CD109: variants seen among roughly 807,000 people sequenced by gnomAD.
CD109 encodes the protein CD109 molecule, also known as CD109 antigen.
A neutral mutation model predicts 165.8 loss-of-function variants in CD109; 149 were observed. The observed-to-expected ratio is 0.90, with a 90% CI of 0.79 to 1.03. The LOEUF (loss-of-function observed/expected upper bound fraction) is 1.03, where lower values mean the gene tolerates loss of function less well. Among genes scored for constraint, CD109 ranks in the 50% least tolerant of loss-of-function variants. The probability of loss-of-function intolerance (pLI) is 0.00; values close to 1 mark genes in which losing one functional copy is unlikely to be tolerated. For synonymous variants in CD109, 585 were observed against 592.1 expected, an observed-to-expected ratio of 0.99 and a Z score of 0.18; for missense variants, 1,712 against 1,677.8, an observed-to-expected ratio of 1.02 and a Z score of -0.36.
chr6:73,720,659 AAG>A (rs1355949353), intron 2 of CD109, among the ~76,000 whole-genome samples: 2 of 152,228 alleles, frequency 1.3e-5, no homozygotes, highest in Admixed American at 6.5e-5. Context: ...CAATTAAAAA[AAG>A]AATAAAACAT....
At position 73,696,269 on chromosome 6, in the gene CD109, C is replaced by G; in HGVS notation, c.54C>G (p.Ala18=). ...TAAHLLCVCT[A]ALAVAPGPRF... is the part of the protein sequence containing the mutation. Reference sequence around the variant, plus strand: ...CCCACCTCCTCTGCGTGTGCACCGCCGCGCTGGCCGTGGCTCCCGGGTAGG... The same window carrying G: ...CCCACCTCCTCTGCGTGTGCACCGCGGCGCTGGCCGTGGCTCCCGGGTAGG... Residue 18 remains alanine, a synonymous_variant, in exon 1 of 33, where the codon GCC becomes GCG. Coordinates refer to ENST00000287097, the MANE Select transcript of CD109 (RefSeq NM_133493.5). 2 of 1,530,088 alleles carry G rather than the reference C, an allele frequency of 1.3e-6. No individual in the cohort carries two copies. Among genetic ancestry groups the G allele is most frequent in the South Asian group, 1.2e-5 (1 of 83,520 alleles). 94.8% of individuals were successfully genotyped at this position (1,530,088 alleles called of 1,614,324 possible). A position where few individuals can be genotyped will look rare whatever the true frequency, so the allele number is the denominator to read the frequency against.
At chr6:73,757,847 C>T (rs1773453216) in intron 6 of CD109, among the ~76,000 whole-genome samples, 1 of 152,166 alleles carries the variant, frequency 6.6e-6, no homozygotes, top group Non-Finnish European at 1.5e-5. Context: ...ACACATATGG[C>T]TCCCATTTTA....
upstream of CD109, among the ~76,000 whole-genome samples, chr6:73,693,265 G>A (rs1365461099): frequency 6.6e-6 from 1 of 152,154 alleles, no homozygotes; most frequent in African/African-American, 2.4e-5. Flanking sequence ...CATGTGGAAG[G>A]GGAAGGGGAG....
intron 23 of CD109, among the ~76,000 whole-genome samples, chr6:73,793,809 A>T (rs2150272200): frequency 6.6e-6 from 1 of 152,334 alleles, no homozygotes; most frequent in African/African-American, 2.4e-5. Flanking sequence ...AATTTGTATG[A>T]TATATCCCGT....
chr6:73,781,001 G>T (rs1289305573), intron 16 of CD109, among the ~76,000 whole-genome samples: 1 of 123,028 alleles, frequency 8.1e-6, no homozygotes, highest in Non-Finnish European at 1.7e-5. Context: ...ATCGATATGT[G>T]TATGCGTGTG....
Position 73,766,142 on chromosome 6 carries a change from G to C in CD109, c.1320G>C (p.Glu440Asp). 1 of 1,613,646 alleles carries C rather than the reference G, an allele frequency of 6.2e-7. No homozygotes were observed. Among genetic ancestry groups the C allele is most frequent in the South Asian group, 1.1e-5 (1 of 91,064 alleles). ...IEFPILEDSSELQLKAYFLGS... is the reference protein window; with the variant it reads ...IEFPILEDSSDLQLKAYFLGS... ...TCCCAATCCTGGAGGATTCCAGTGA[G>C]CTACAGTTGAAGGTGCCGTCTGTTT... Residue 440 changes from glutamate (E) to aspartate (D), a missense_variant, in exon 11 of 33, where the codon GAG (glutamate) becomes GAC (aspartate). Glu to Asp is a conservative substitution (Grantham distance 45). Coordinates refer to ENST00000287097, the MANE Select transcript of CD109 (RefSeq NM_133493.5).
At chr6:73,724,867 G>T (rs1191249232) in intron 3 of CD109, among the ~76,000 whole-genome samples, 2 of 152,024 alleles carry the variant, frequency 1.3e-5, no homozygotes, top group Admixed American at 6.6e-5. Context: ...CCCCCAAAGT[G>T]CTGGGATTAC....
chr6:73,752,192 C>T (rs1467862168), intron 5 of CD109, among the ~76,000 whole-genome samples: 2 of 152,090 alleles, frequency 1.3e-5, no homozygotes, highest in African/African-American at 4.8e-5. Context: ...GCTTTTTACT[C>T]CAGAAGCAAG....
At chr6:73,809,896 C>T (rs1775691171) in intron 26 of CD109, 88 bp from the exon 27 acceptor site, 8 of 973,540 alleles carry the variant, frequency 8.2e-6, no homozygotes, top group Non-Finnish European at 1.2e-5. Context: ...TAGTTAAGTA[C>T]AACTTGGACC....
At chr6:73,792,843 T>A in intron 23 of CD109, 41 bp downstream of exon 23, 1 of 1,543,456 alleles carries the variant, frequency 6.5e-7, no homozygotes, top group Non-Finnish European at 8.7e-7. Context: ...TAGAAAAAAA[T>A]TTGTTTTTTT....
chr6:73,821,537 A>C (rs894511264), intron 32 of CD109, among the ~76,000 whole-genome samples: 6 of 152,248 alleles, frequency 3.9e-5, no homozygotes, highest in African/African-American at 1.4e-4. Flanking sequence ...AATACTATAC[A>C]GCCATAAAAA....
intron 9 of CD109, 40 bp downstream of exon 9, chr6:73,762,922 A>G: frequency 6.5e-7 from 1 of 1,534,400 alleles, no homozygotes; most frequent in Non-Finnish European, 8.8e-7. Flanking sequence ...TATTCATGTG[A>G]CACTGCTTTA....
chr6:73,751,296 T>C (rs1483017658), intron 5 of CD109, among the ~76,000 whole-genome samples: 2 of 152,154 alleles, frequency 1.3e-5, no homozygotes, highest in Non-Finnish European at 2.9e-5. Context: ...TCTGTATTCC[T>C]AGGAGGACCC....
intron 5 of CD109, among the ~76,000 whole-genome samples, chr6:73,752,451 A>G (rs913738475): frequency 7.2e-5 from 11 of 152,200 alleles, no homozygotes; most frequent in African/African-American, 2.4e-4. Flanking sequence ...TCATTTGTCT[A>G]ATTTCTGTAA....
intron 15 of CD109, among the ~76,000 whole-genome samples, chr6:73,775,853 G>T (rs948801079): frequency 6.6e-6 from 1 of 152,106 alleles, no homozygotes; most frequent in African/African-American, 2.4e-5. Context: ...AGATGATCTT[G>T]TTCTTTATGG....
chr6:73,767,119 C>T (rs1773884495), intron 13 of CD109, 109 bp downstream of exon 13: 1 of 854,820 alleles, frequency 1.2e-6, no homozygotes, highest in South Asian at 1.6e-5. Flanking sequence ...AAACTCATGT[C>T]ATGGGGGTTT....
chr6:73,783,954 T>C, intron 19 of CD109, 130 bp downstream of exon 19: 1 of 586,276 alleles, frequency 1.7e-6, no homozygotes, highest in Middle Eastern at 2.8e-4. Context: ...TGGCTTTGTC[T>C]TTTGGTTTTT....
chr6:73,817,263 A>G (rs1044245983), intron 30 of CD109, among the ~76,000 whole-genome samples: 4 of 152,212 alleles, frequency 2.6e-5, no homozygotes, highest in East Asian at 1.9e-4. Context: ...GGTACTTTTA[A>G]TATGTACTGA....
chr6:73,703,096 GAGA>G (rs1771140706), intron 2 of CD109, among the ~76,000 whole-genome samples: 1 of 152,230 alleles, frequency 6.6e-6, no homozygotes, highest in Admixed American at 6.5e-5. Context: ...GAGGCAAAGA[GAGA>G]AGAATTAGTT....
Sources: gnomAD v4.1 joint callset for allele counts (sites outside exome capture counted in the v4.1 genomes callset) on GRCh38, gnomAD v4.1.1 for gene constraint, MANE v1.5 for transcripts, NCBI Gene and HGNC (gene_info 2026-07-23, HGNC 2026-07-21) for gene names.